Variants in PLA2G6 observed in about 807,000 individuals in gnomAD.
PLA2G6 encodes 85/88 kDa calcium-independent phospholipase A2.
Under a neutral mutation model 83.8 loss-of-function variants are expected in PLA2G6, and 62 were observed. The observed-to-expected ratio is 0.74, with a 90% CI of 0.60 to 0.91. PLA2G6 has a LOEUF of 0.91. Among genes scored for constraint, PLA2G6 ranks in the 40% least tolerant of loss-of-function variants. The pLI, the probability that PLA2G6 is intolerant of heterozygous loss-of-function variation, is 0.00. For synonymous variants in PLA2G6, 417 were observed against 449.8 expected, an observed-to-expected ratio of 0.93 and a Z score of 0.92; for missense variants, 944 against 1,102.0, an observed-to-expected ratio of 0.86 and a Z score of 2.03.
chr22:38,151,450 A>T (rs1176546778), intron 2 of PLA2G6, among the ~76,000 whole-genome samples: 6 of 152,132 alleles, frequency 3.9e-5, no homozygotes, highest in South Asian at 2.1e-4. Context: ...CACGTAGCCC[A>T]GGCTGGTCTG....
chr22:38,116,526 A>T (rs984868722), intron 12 of PLA2G6: 1 of 473,110 alleles, frequency 2.1e-6, no homozygotes. Context: ...AGGAAAGAAA[A>T]GGGGGCCGCA....
At chr22:38,134,886 G>A in intron 6 of PLA2G6, 102 bp downstream of exon 6, 1 of 761,322 alleles carries the variant, frequency 1.3e-6, no homozygotes, top group Admixed American at 2.1e-5. Context: ...CAGCCCCCAA[G>A]TGCTAGCCTC....
At chr22:38,157,075 A>G (rs1048942624) in intron 2 of PLA2G6, among the ~76,000 whole-genome samples, 1 of 152,214 alleles carries the variant, frequency 6.6e-6, no homozygotes, top group African/African-American at 2.4e-5. Context: ...ACTAGAAAAG[A>G]GCAAACCAAA....
chr22:38,148,855 ATTTCT>A, intron 2 of PLA2G6: 3 of 193,166 alleles, frequency 1.6e-5, no homozygotes, highest in African/African-American at 3.1e-5. Flanking sequence ...GCTCTAGATT[ATTTCT>A]TTTTTTTTTT....
At chr22:38,117,880 C>A (rs2145696175) in intron 12 of PLA2G6, among the ~76,000 whole-genome samples, 1 of 151,714 alleles carries the variant, frequency 6.6e-6, no homozygotes, top group South Asian at 2.1e-4. Context: ...TACTAAAATA[C>A]AAAAAATTAG....
chr22:38,140,523 A>T (rs879311050), intron 4 of PLA2G6: 7 of 284,704 alleles, frequency 2.5e-5, no homozygotes, highest in Non-Finnish European at 4.2e-5. Flanking sequence ...AAAAGAACGT[A>T]AAGAGAAGCA....
chr22:38,145,205 T>G lies in PLA2G6; in HGVS notation c.425+233A>C, dbSNP rs2089177022. On this transcript the variant is annotated intron_variant, in intron 3 of 16. Transcript: ENST00000332509. The stretch of plus-strand genomic sequence containing the variant: ...TATAGACACATGCTAATTTTTTAAT[T>G]TTTTCGTAGAGACAAGGTCTTGCTA... 10 of 565,954 alleles carry G rather than the reference T, an allele frequency of 1.8e-5. 1 individual carries two copies. In the South Asian group the frequency reaches 2.0e-4, roughly 11 times the overall value. 35.1% of individuals were successfully genotyped at this position (565,954 alleles called of 1,614,324 possible). A position where few individuals can be genotyped will look rare whatever the true frequency, so the allele number is the denominator to read the frequency against.
chr22:38,164,566 A>G (rs765338268), intron 2 of PLA2G6, among the ~76,000 whole-genome samples: 1 of 152,188 alleles, frequency 6.6e-6, no homozygotes, highest in Non-Finnish European at 1.5e-5. Flanking sequence ...CTCTCCGCCC[A>G]GCAGCAGTGC....
chr22:38,148,551 A>G (rs1298504079), intron 2 of PLA2G6: 1 of 717,274 alleles, frequency 1.4e-6, no homozygotes, highest in Non-Finnish European at 2.6e-6. Flanking sequence ...CTGTTACTGG[A>G]GAGGATGGGC....
chr22:38,151,232 A>G (rs552966646), intron 2 of PLA2G6, among the ~76,000 whole-genome samples: 1 of 152,212 alleles, frequency 6.6e-6, no homozygotes, highest in African/African-American at 2.4e-5. Flanking sequence ...AGGAAATACA[A>G]AAGCTTTTTC....
chr22:38,174,401 A>AAAAAG (rs111584388), intron 1 of PLA2G6, among the ~76,000 whole-genome samples: 2 of 151,292 alleles, frequency 1.3e-5, no homozygotes, highest in East Asian at 2.0e-4. Flanking sequence ...GTCTCAAAAA[A>AAAAAG]AAAGAAAGAA....
intron 12 of PLA2G6, among the ~76,000 whole-genome samples, chr22:38,118,204 A>G (rs2087321651): frequency 6.6e-6 from 1 of 152,212 alleles, no homozygotes; most frequent in Non-Finnish European, 1.5e-5. Flanking sequence ...GAATAGGTTC[A>G]AAGAACTCTG....
intron 12 of PLA2G6, among the ~76,000 whole-genome samples, chr22:38,120,211 C>T (rs2087443574): frequency 6.6e-6 from 1 of 152,274 alleles, no homozygotes; most frequent in Admixed American, 6.5e-5. Flanking sequence ...TGACTTTCTC[C>T]TTCAGTCTGA....
intron 12 of PLA2G6, 50 bp from the exon 13 acceptor site, chr22:38,116,261 T>C: frequency 6.2e-7 from 1 of 1,606,404 alleles, no homozygotes; most frequent in Non-Finnish European, 8.5e-7. Flanking sequence ...CCCATCCACC[T>C]TTCCCTTTCC....
At position 38,132,577 on chromosome 22, in the gene PLA2G6, T is replaced by C; in HGVS notation, c.1077+254A>G. ...GCTGTCATTTTTCCCTCTCGTGCCA[T>C]GCAAGTGCCAAATGGGGGCACAGGT... On this transcript the variant is annotated intron_variant, in intron 7 of 16. Coordinates refer to ENST00000332509, the MANE Select transcript of PLA2G6 (RefSeq NM_003560.4). This position sits in a 1 kb window ranked among gnomAD's most constrained non-coding sequence, Gnocchi z 5.0. 1.8e-6 allele frequency: 1 copy of C among 571,146 alleles called. No homozygotes were observed. Among genetic ancestry groups the C allele is most frequent in the South Asian group, 2.1e-5 (1 of 47,624 alleles). The allele number at this position is 571,146 out of a possible 1,614,324, so 35.4% of individuals were successfully genotyped here.
chr22:38,172,989 G>A (rs2090495434), intron 1 of PLA2G6, among the ~76,000 whole-genome samples: 1 of 152,208 alleles, frequency 6.6e-6, no homozygotes, highest in Non-Finnish European at 1.5e-5. Context: ...GACACAGGCC[G>A]ACTGTGGGCA....
chr22:38,181,376 G>A (rs2090840785), intron 1 of PLA2G6, among the ~76,000 whole-genome samples: 1 of 152,190 alleles, frequency 6.6e-6, no homozygotes, highest in African/African-American at 2.4e-5. Flanking sequence ...AGCACTTAGA[G>A]GAGCACAGGA....
intron 2 of PLA2G6, among the ~76,000 whole-genome samples, chr22:38,158,558 G>A (rs1364327014): frequency 6.6e-6 from 1 of 152,048 alleles, no homozygotes; most frequent in Non-Finnish European, 1.5e-5. Context: ...TCAAACATAC[G>A]GGCTCATTTA....
chr22:38,158,800 T>C (rs1262577610), intron 2 of PLA2G6, among the ~76,000 whole-genome samples: 1 of 152,210 alleles, frequency 6.6e-6, no homozygotes, highest in Non-Finnish European at 1.5e-5. Context: ...CCTAAAATTC[T>C]TATGTTAAAA....
Sources: gnomAD v4.1 joint callset for allele counts (sites outside exome capture counted in the v4.1 genomes callset) on GRCh38, gnomAD v4.1.1 for gene constraint, Gnocchi (gnomAD v3.1) non-coding constraint, MANE v1.5 for transcripts, NCBI Gene and HGNC (gene_info 2026-07-23, HGNC 2026-07-21) for gene names.